CTCF: variants seen among roughly 807,000 people sequenced by gnomAD.
CTCF encodes transcriptional repressor CTCF.
CTCF carries 7 observed loss-of-function variants against 72.3 expected under a neutral mutation model. That is an observed-to-expected ratio of 0.10 (90% CI 0.06 to 0.18). The LOEUF (loss-of-function observed/expected upper bound fraction) is 0.18. CTCF is among the 10% of genes least tolerant of loss of function. CTCF has a pLI of 1.00. For missense variants in CTCF, 516 were observed against 949.1 expected (o/e 0.54, Z 6.00); for synonymous variants, 374 against 315.8 (o/e 1.18, Z -1.95).
At chr16:67,623,632 CAAAA>C (rs577891033) in intron 7 of CTCF, among the ~76,000 whole-genome samples, 1 of 138,600 alleles carries the variant, frequency 7.2e-6, no homozygotes, top group Non-Finnish European at 1.6e-5. Flanking sequence ...GACCCCATCT[CAAAA>C]AAAAAAAAGA....
At chr16:67,608,735 G>GT (rs112295395) in intron 2 of CTCF, among the ~76,000 whole-genome samples, 40,644 of 146,788 alleles carry the variant, frequency 0.28, 9,557 homozygotes, top group African/African-American at 0.65. Context: ...TGTATTTAGT[G>GT]TTTTTTTTTT....
chr16:67,574,084 A>G (rs34523198), intron 2 of CTCF, among the ~76,000 whole-genome samples: 4,164 of 151,692 alleles, frequency 0.027, 90 homozygotes, highest in Non-Finnish European at 0.04. Flanking sequence ...TTCCTCACAC[A>G]CCAAACAGTG....
At chr16:67,598,311 G>A (rs970626919) in intron 2 of CTCF, among the ~76,000 whole-genome samples, 2 of 151,986 alleles carry the variant, frequency 1.3e-5, no homozygotes, top group African/African-American at 2.4e-5. Context: ...AATAGACCCT[G>A]CACATTTTCA....
chr16:67,612,146 T>A, intron 4 of CTCF, 25 bp downstream of exon 4: 11 of 1,588,590 alleles, frequency 6.9e-6, no homozygotes, highest in Non-Finnish European at 8.6e-6. Context: ...TGTTGGGGGC[T>A]ACAACAGCAA....
chr16:67,612,289 A>G (rs1436684624), intron 4 of CTCF, 168 bp downstream of exon 4: 5 of 556,914 alleles, frequency 9.0e-6, no homozygotes, highest in Non-Finnish European at 1.5e-5. Flanking sequence ...TAGTTATTAT[A>G]GACAAATGTA....
chr16:67,580,727 A>G (rs2051567324), intron 2 of CTCF, among the ~76,000 whole-genome samples: 3 of 146,122 alleles, frequency 2.1e-5, no homozygotes, highest in East Asian at 2.0e-4. Context: ...ACACTCGGCT[A>G]ATTTTGTACT....
intron 2 of CTCF, among the ~76,000 whole-genome samples, chr16:67,598,511 T>A (rs1360635584): frequency 1.3e-5 from 2 of 152,008 alleles, no homozygotes; most frequent in African/African-American, 4.8e-5. Context: ...AATAGAAAGT[T>A]ATTATTACAT....
chr16:67,634,191 T>G (rs1318238957), intron 10 of CTCF, among the ~76,000 whole-genome samples: 1 of 152,118 alleles, frequency 6.6e-6, no homozygotes, highest in African/African-American at 2.4e-5. Flanking sequence ...GTTTTTAGTT[T>G]TTATTTATTT....
intron 10 of CTCF, among the ~76,000 whole-genome samples, chr16:67,634,013 T>C (rs1173509092): frequency 6.6e-6 from 1 of 152,178 alleles, no homozygotes; most frequent in African/African-American, 2.4e-5. Flanking sequence ...CAATCCCACA[T>C]AAAATGTGAA....
In CTCF at chr16:67,638,689, G is replaced by A. The variant is rs1398092021; in HGVS notation, c.*817G>A. 2.2e-5 allele frequency: 5 copies of A among 229,138 alleles called. No homozygotes were observed. Among genetic ancestry groups the A allele is most frequent in the Non-Finnish European group, 4.3e-5 (5 of 115,336 alleles). The allele number at this position is 229,138 out of a possible 1,614,324, so 14.2% of individuals were successfully genotyped here. The stretch of plus-strand genomic sequence containing the variant: ...TTGAACCTTGTATAATTAACTTTCA[G>A]TTATGATTTCCCATCGACATTTTCT... On this transcript the variant is annotated 3_prime_UTR_variant, in exon 12 of 12. Coordinates refer to ENST00000264010, the MANE Select transcript of CTCF (RefSeq NM_006565.4).
At chr16:67,599,539 G>A (rs932158961) in intron 2 of CTCF, among the ~76,000 whole-genome samples, 1 of 152,170 alleles carries the variant, frequency 6.6e-6, no homozygotes. Flanking sequence ...GCATTAAGAT[G>A]CCAGTTTTCC....
At chr16:67,626,206 G>A (rs1031291945) in intron 7 of CTCF, among the ~76,000 whole-genome samples, 1 of 152,114 alleles carries the variant, frequency 6.6e-6, no homozygotes, top group African/African-American at 2.4e-5. Flanking sequence ...TTGGGAGGCC[G>A]AGGCGGGCAG....
chr16:67,622,789 G>GCATA (rs2052219598), intron 7 of CTCF, among the ~76,000 whole-genome samples: 1 of 149,452 alleles, frequency 6.7e-6, no homozygotes, highest in South Asian at 2.1e-4. Context: ...GATTATAGGC[G>GCATA]CATACCACCA....
chr16:67,568,751 A>G (rs1252703906), intron 1 of CTCF, among the ~76,000 whole-genome samples: 1 of 151,932 alleles, frequency 6.6e-6, no homozygotes, highest in Non-Finnish European at 1.5e-5. Context: ...ACTGGCTTTG[A>G]ACTCCTAGGC....
intron 2 of CTCF, among the ~76,000 whole-genome samples, chr16:67,583,140 A>G (rs1056836149): frequency 1.3e-5 from 2 of 151,504 alleles, no homozygotes; most frequent in Non-Finnish European, 2.9e-5. Context: ...ACCAACTACC[A>G]CGCCTGGCTA....
chr16:67,620,141 A>G (rs2052182762), intron 5 of CTCF, among the ~76,000 whole-genome samples: 1 of 152,250 alleles, frequency 6.6e-6, no homozygotes, highest in African/African-American at 2.4e-5. Context: ...TCAAACATGT[A>G]GAAGTAAAGA....
At chr16:67,609,985 A>G (rs1334891298) in intron 2 of CTCF, among the ~76,000 whole-genome samples, 1 of 152,070 alleles carries the variant, frequency 6.6e-6, no homozygotes, top group Non-Finnish European at 1.5e-5. Flanking sequence ...GTTTAATAGC[A>G]TCTCTAGCTT....
chr16:67,629,646 C>T (rs986616538), intron 10 of CTCF, 113 bp downstream of exon 10: 1 of 903,852 alleles, frequency 1.1e-6, no homozygotes, highest in Admixed American at 3.3e-5. Context: ...CTCTTCCTTT[C>T]TTTAAACTTC....
chr16:67,575,557 G>A (rs2051484620), intron 2 of CTCF, among the ~76,000 whole-genome samples: 1 of 151,966 alleles, frequency 6.6e-6, no homozygotes, highest in Non-Finnish European at 1.5e-5. Flanking sequence ...CGATTCTCCT[G>A]CCTCAGCCTC....
Sources: gnomAD v4.1 joint callset for allele counts (sites outside exome capture counted in the v4.1 genomes callset) on GRCh38, gnomAD v4.1.1 for gene constraint, MANE v1.5 for transcripts, NCBI Gene and HGNC (gene_info 2026-07-23, HGNC 2026-07-21) for gene names.